LINGO1: variants seen among roughly 807,000 people sequenced by gnomAD.
LINGO1 encodes leucine rich repeat and Ig domain containing 1.
LINGO1 carries 11 observed loss-of-function variants against 37.3 expected under a neutral mutation model. The ratio of observed to expected loss-of-function variants is 0.29; its 90% CI spans 0.19 to 0.49. The LOEUF is 0.49. Ranked by LOEUF, LINGO1 falls within the 20% of genes least tolerant of loss-of-function variation. The pLI is 0.99. For missense variants in LINGO1, 585 were observed against 878.2 expected, an observed-to-expected ratio of 0.67 and a Z score of 4.22; for synonymous variants, 387 against 403.0, an observed-to-expected ratio of 0.96 and a Z score of 0.48.
At chr15:77,695,502 C>T (rs1409374632) in intron 1 of LINGO1, among the ~76,000 whole-genome samples, 1 of 152,214 alleles carries the variant, frequency 6.6e-6, no homozygotes, top group African/African-American at 2.4e-5. Flanking sequence ...CTAGTGTTCC[C>T]TGGGCTCATC....
At chr15:77,637,752 AC>A (rs1019112929), upstream of LINGO1, among the ~76,000 whole-genome samples, 1 of 152,194 alleles carries the variant, frequency 6.6e-6, no homozygotes, top group African/African-American at 2.4e-5. The surrounding 1 kb of genome is among the most constrained non-coding windows in gnomAD (Gnocchi z 4.6). Flanking sequence ...CACCTGGACC[AC>A]ATTCTCTGTC....
At chr15:77,708,557 G>C (rs1210256417) in intron 2 of LINGO1, among the ~76,000 whole-genome samples, 1 of 152,180 alleles carries the variant, frequency 6.6e-6, no homozygotes, top group Non-Finnish European at 1.5e-5. Context: ...TAGTTACAAG[G>C]AGGTCATACT....
intron 3 of LINGO1, among the ~76,000 whole-genome samples, chr15:77,643,987 G>C (rs1314435496): frequency 2.0e-5 from 3 of 152,234 alleles, no homozygotes; most frequent in South Asian, 2.1e-4. Flanking sequence ...CTGCTCCAAA[G>C]AGTGGTGAGG....
chr15:77,639,652 T>A (rs1399171611), intron 3 of LINGO1, among the ~76,000 whole-genome samples: 2 of 152,172 alleles, frequency 1.3e-5, no homozygotes, highest in Admixed American at 1.3e-4. Context: ...AAAACAGCTA[T>A]GTTGGAGTTA....
rs775968728 is a variant in LINGO1 at position 77,632,281 on chromosome 15, C to T, written c.6+29G>A. On this transcript the variant is annotated intron_variant, in intron 1 of 1. Transcript: ENST00000355300. This position sits in a 1 kb window ranked among gnomAD's most constrained non-coding sequence, Gnocchi z 6.0. Reference sequence around the variant, plus strand: ...GGCACTCGCCGCGGGGCTGCCCGCTCGGGGCTCGGCCGCGGCCGCCTGGCT... The same window carrying T: ...GGCACTCGCCGCGGGGCTGCCCGCTTGGGGCTCGGCCGCGGCCGCCTGGCT... 2.6e-5 allele frequency: 36 copies of T among 1,405,840 alleles called. No individual in the cohort carries two copies. The highest frequency in any genetic ancestry group is 6.1e-5 in the South Asian group (4 of 66,090). The allele number at this position is 1,405,840 out of a possible 1,614,324, so 87.1% of individuals were successfully genotyped here.
At chr15:77,740,735 A>G (rs1357638909) in intron 1 of LINGO1, among the ~76,000 whole-genome samples, 1 of 152,184 alleles carries the variant, frequency 6.6e-6, no homozygotes, top group African/African-American at 2.4e-5. Flanking sequence ...TAGGGTGGGG[A>G]GTCCAGGGCA....
intron 1 of LINGO1, among the ~76,000 whole-genome samples, chr15:77,809,214 G>A (rs565530657): frequency 2.7e-4 from 41 of 152,330 alleles, no homozygotes; most frequent in African/African-American, 9.6e-4. Context: ...CCTCCAGCCC[G>A]AGGCCTGCAG....
intron 1 of LINGO1, among the ~76,000 whole-genome samples, chr15:77,776,095 C>T (rs560016857): frequency 6.6e-6 from 1 of 152,236 alleles, no homozygotes; most frequent in South Asian, 2.1e-4. Flanking sequence ...AGACAGTCTC[C>T]GTTTATGACA....
chr15:77,615,807 C>G lies in LINGO1; in HGVS notation c.100G>C (p.Val34Leu). The change falls in exon 2 of 2, where the codon GTG (valine) becomes CTG (leucine). Residue 34 changes from valine (V) to leucine (L), a missense_variant. By Grantham distance (32) the Val-to-Leu change is conservative (BLOSUM62 1). This residue lies in a region of LINGO1 where 65 missense variants were observed against 57.0 expected (regional missense o/e 1.14). Coordinates refer to ENST00000355300, the MANE Select transcript of LINGO1 (RefSeq NM_032808.7). The part of the protein sequence containing the change: ...QPILLLVLGS[V>L]LSGSATGCPP... Reference sequence around the variant, plus strand: ...CAGCCCGTGGCCGAGCCTGACAGCACTGAGCCCAGCACCAGCAGGAGGATG... The same window carrying G: ...CAGCCCGTGGCCGAGCCTGACAGCAGTGAGCCCAGCACCAGCAGGAGGATG... The G allele has an allele frequency of 6.4e-7, 1 of 1,554,042 alleles. No homozygotes were observed. Among genetic ancestry groups the G allele is most frequent in the Non-Finnish European group, 8.6e-7 (1 of 1,157,636 alleles).
At chr15:77,666,072 C>T (rs1004998010) in intron 3 of LINGO1, among the ~76,000 whole-genome samples, 5 of 152,228 alleles carry the variant, frequency 3.3e-5, no homozygotes, top group African/African-American at 9.6e-5. Flanking sequence ...CTCCAGAGGG[C>T]CTGGCTCAGA....
chr15:77,793,656 T>C (rs919265368), intron 2 of LINGO1, among the ~76,000 whole-genome samples: 4 of 152,216 alleles, frequency 2.6e-5, no homozygotes, highest in African/African-American at 7.2e-5. Context: ...CAACAGAGAA[T>C]TGGCTAAACG....
intron 3 of LINGO1, among the ~76,000 whole-genome samples, chr15:77,658,216 C>T (rs2074909916): frequency 6.6e-6 from 1 of 152,256 alleles, no homozygotes; most frequent in South Asian, 2.1e-4. Context: ...TCACACCGAG[C>T]TGGGCAGTAG....
At chr15:77,800,010 C>A (rs970191432) in intron 1 of LINGO1, among the ~76,000 whole-genome samples, 1 of 151,874 alleles carries the variant, frequency 6.6e-6, no homozygotes, top group East Asian at 1.9e-4. Context: ...GAAGGCAGGA[C>A]GGGGAAAGAG....
chr15:77,652,956 G>C (rs1010707838), intron 3 of LINGO1, among the ~76,000 whole-genome samples: 1 of 152,240 alleles, frequency 6.6e-6, no homozygotes, highest in East Asian at 1.9e-4. Context: ...AGTGGGTGTA[G>C]GGCCACACAG....
At chr15:77,751,111 G>A (rs1038214557) in intron 1 of LINGO1, among the ~76,000 whole-genome samples, 5 of 152,138 alleles carry the variant, frequency 3.3e-5, no homozygotes, top group Non-Finnish European at 7.3e-5. Context: ...GCACACCACC[G>A]TGATTGTCAG....
chr15:77,707,554 T>C (rs1271930558), intron 2 of LINGO1: 2 of 151,920 alleles, frequency 1.3e-5, no homozygotes, highest in Non-Finnish European at 2.9e-5. Context: ...ATCAAGAAAA[T>C]CCCCTAAACA....
chr15:77,653,868 C>T (rs1489171460), intron 3 of LINGO1, among the ~76,000 whole-genome samples: 1 of 152,166 alleles, frequency 6.6e-6, no homozygotes, highest in African/African-American at 2.4e-5. Context: ...GTGCCAAGCT[C>T]CCATTCCCTT....
At chr15:77,781,578 C>A (rs1471457616) in intron 1 of LINGO1, among the ~76,000 whole-genome samples, 4 of 152,174 alleles carry the variant, frequency 2.6e-5, no homozygotes, top group Admixed American at 2.6e-4. Flanking sequence ...GGGTGGGAGG[C>A]CCCCCAGTCG....
At chr15:77,742,745 T>C (rs1243564452) in intron 1 of LINGO1, among the ~76,000 whole-genome samples, 3 of 152,210 alleles carry the variant, frequency 2.0e-5, no homozygotes, top group Admixed American at 2.0e-4. Context: ...CAAAGACTGG[T>C]GTGCTGTCCA....
Sources: allele counts gnomAD v4.1 joint callset (sites outside exome capture counted in the v4.1 genomes callset), GRCh38; gene constraint gnomAD v4.1.1; regional missense constraint gnomAD v4.1.1; non-coding constraint Gnocchi (gnomAD v3.1); transcripts MANE v1.5; gene names NCBI Gene and HGNC (gene_info 2026-07-23, HGNC 2026-07-21).